RSRC1: variants seen among roughly 807,000 people sequenced by gnomAD.
The protein encoded by RSRC1 is serine/Arginine-related protein 53.
In RSRC1, 39 loss-of-function variants were observed where a neutral mutation model predicts 49.1. The ratio of observed to expected loss-of-function variants is 0.79; its 90% CI spans 0.61 to 1.04. RSRC1 has a LOEUF of 1.04. Among genes scored for constraint, RSRC1 ranks in the 50% least tolerant of loss-of-function variants. RSRC1 has a pLI of 0.00. For missense variants in RSRC1, 388 were observed against 402.4 expected (o/e 0.96, Z 0.31); for synonymous variants, 143 against 130.8 (o/e 1.09, Z -0.63).
intron 4 of RSRC1, among the ~76,000 whole-genome samples, chr3:158,271,020 C>T (rs1456629088): frequency 2.0e-5 from 3 of 152,044 alleles, no homozygotes; most frequent in Non-Finnish European, 2.9e-5. Flanking sequence ...GGATTATCCC[C>T]GTGTCATATT....
At chr3:158,538,281 G>C (rs1318641068) in intron 8 of RSRC1, among the ~76,000 whole-genome samples, 1 of 151,804 alleles carries the variant, frequency 6.6e-6, no homozygotes, top group African/African-American at 2.4e-5. Context: ...GTTAGGCATA[G>C]GACCAGATAG....
In RSRC1 at chr3:158,203,265, A is replaced by T; in HGVS notation, c.494+20A>T. On this transcript the variant is annotated intron_variant, in intron 4 of 9. Transcript: ENST00000611884. ...ACGTGGGTAAGTTGGAGCAAATCTT[A>T]TCTGGTAAGGACTTGGTGATTCCAT... The T allele has an allele frequency of 6.4e-7, 1 of 1,558,394 alleles. No homozygotes were observed. The highest frequency in any genetic ancestry group is 8.7e-7 in the Non-Finnish European group (1 of 1,150,070).
At chr3:158,388,731 T>G (rs986832942) in intron 6 of RSRC1, among the ~76,000 whole-genome samples, 2 of 151,592 alleles carry the variant, frequency 1.3e-5, no homozygotes, top group Non-Finnish European at 2.9e-5. Context: ...TGCCGCAGCC[T>G]CCAGGGTAGC....
At chr3:158,251,419 T>G (rs909827561) in intron 4 of RSRC1, among the ~76,000 whole-genome samples, 2 of 152,162 alleles carry the variant, frequency 1.3e-5, no homozygotes, top group African/African-American at 4.8e-5. Context: ...GTATGGACAT[T>G]TTAACAATAT....
At chr3:158,338,125 AGTT>A (rs1730022901) in intron 5 of RSRC1, among the ~76,000 whole-genome samples, 1 of 152,076 alleles carries the variant, frequency 6.6e-6, no homozygotes, top group African/African-American at 2.4e-5. Flanking sequence ...TCACCTTTAT[AGTT>A]TAACATCCTC....
At chr3:158,233,068 CTT>C (rs1210717333) in intron 4 of RSRC1, among the ~76,000 whole-genome samples, 1 of 152,076 alleles carries the variant, frequency 6.6e-6, no homozygotes, top group Non-Finnish European at 1.5e-5. Flanking sequence ...CCCTCTCATT[CTT>C]TTCCTTTCAG....
chr3:158,157,481 A>G (rs753887772), intron 3 of RSRC1, among the ~76,000 whole-genome samples: 15 of 152,134 alleles, frequency 9.9e-5, no homozygotes, highest in Non-Finnish European at 1.8e-4. Context: ...ATGACAGTTA[A>G]ATGTCTTTGG....
chr3:158,258,710 T>C (rs1340284577), intron 4 of RSRC1, among the ~76,000 whole-genome samples: 1 of 152,168 alleles, frequency 6.6e-6, no homozygotes, highest in Non-Finnish European at 1.5e-5. Flanking sequence ...ATTTTCTGGA[T>C]CTTGTAGGTG....
At chr3:158,285,806 G>A (rs907232826) in intron 4 of RSRC1, among the ~76,000 whole-genome samples, 2 of 152,106 alleles carry the variant, frequency 1.3e-5, no homozygotes, top group African/African-American at 4.8e-5. Context: ...AGACAGTGGG[G>A]TTTTCTAGAT....
chr3:158,522,277 A>C (rs1048822082), intron 7 of RSRC1, among the ~76,000 whole-genome samples: 1 of 152,126 alleles, frequency 6.6e-6, no homozygotes, highest in Non-Finnish European at 1.5e-5. Context: ...ACTGTATTTC[A>C]ACATACAAAA....
At chr3:158,525,648 A>G (rs1383357368) in intron 7 of RSRC1, among the ~76,000 whole-genome samples, 1 of 152,032 alleles carries the variant, frequency 6.6e-6, no homozygotes, top group Non-Finnish European at 1.5e-5. Flanking sequence ...GAACCTGGAA[A>G]CAACCCAAAT....
intron 3 of RSRC1, among the ~76,000 whole-genome samples, chr3:158,197,797 C>T (rs1171334189): frequency 2.0e-5 from 3 of 152,006 alleles, no homozygotes; most frequent in Non-Finnish European, 2.9e-5. Flanking sequence ...TGTAGTTGAG[C>T]GGTTTTGAGT....
At chr3:158,222,143 A>T (rs1467298257) in intron 4 of RSRC1, among the ~76,000 whole-genome samples, 1 of 151,594 alleles carries the variant, frequency 6.6e-6, no homozygotes, top group Non-Finnish European at 1.5e-5. Context: ...CATATAGAGC[A>T]CTATGGACAT....
At chr3:158,465,634 T>C (rs1737849108) in intron 7 of RSRC1, among the ~76,000 whole-genome samples, 1 of 152,220 alleles carries the variant, frequency 6.6e-6, no homozygotes, top group African/African-American at 2.4e-5. Context: ...TGGCTACTCA[T>C]TGTAATATGC....
intron 6 of RSRC1, among the ~76,000 whole-genome samples, chr3:158,454,139 CTATT>C (rs1465375544): frequency 2.0e-5 from 3 of 151,982 alleles, no homozygotes; most frequent in African/African-American, 7.3e-5. Context: ...CTGAGGAAAT[CTATT>C]TATATTATGT....
chr3:158,354,236 G>A (rs1176460653), intron 5 of RSRC1, among the ~76,000 whole-genome samples: 1 of 151,974 alleles, frequency 6.6e-6, no homozygotes, highest in Non-Finnish European at 1.5e-5. Flanking sequence ...TGATCCACCC[G>A]CCTCGGCCTC....
intron 3 of RSRC1, among the ~76,000 whole-genome samples, chr3:158,180,393 CTT>C (rs1163298458): frequency 0.055 from 2,108 of 38,470 alleles, 92 homozygotes; most frequent in African/African-American, 0.17. Context: ...GGTCGAGGTT[CTT>C]TTTTTTTTTT....
intron 5 of RSRC1, among the ~76,000 whole-genome samples, chr3:158,340,235 T>A (rs548706806): frequency 8.5e-5 from 13 of 152,234 alleles, no homozygotes; most frequent in African/African-American, 2.6e-4. Flanking sequence ...TTTTGCTTCC[T>A]CCTCATTTTT....
chr3:158,334,003 G>T (rs1345445786), intron 5 of RSRC1, among the ~76,000 whole-genome samples: 1 of 152,134 alleles, frequency 6.6e-6, no homozygotes, highest in Non-Finnish European at 1.5e-5. Flanking sequence ...TCCTAAAAGG[G>T]TCAGGAAAGA....
Sources: gnomAD v4.1 joint callset for allele counts (sites outside exome capture counted in the v4.1 genomes callset) on GRCh38, gnomAD v4.1.1 for gene constraint, MANE v1.5 for transcripts, NCBI Gene and HGNC (gene_info 2026-07-23, HGNC 2026-07-21) for gene names.